The following PNKD variants were observed in gnomAD, a reference collection of about 807,000 sequenced individuals.
PNKD encodes probable thioesterase PNKD.
In PNKD, 36 loss-of-function variants were observed where a neutral mutation model predicts 45.3. That is an observed-to-expected ratio of 0.80 (90% CI 0.61 to 1.05). The LOEUF is 1.05. Ranked by LOEUF, PNKD falls within the 50% of genes least tolerant of loss-of-function variation. The probability of loss-of-function intolerance (pLI) is 0.00; values close to 1 mark genes in which losing one functional copy is unlikely to be tolerated. For missense variants in PNKD, 511 were observed against 506.6 expected (o/e 1.01, Z -0.08); for synonymous variants, 197 against 210.1 (o/e 0.94, Z 0.54).
rs1488137265 is a variant in PNKD at position 218,282,112 on chromosome 2, A to G, written c.236+10563A>G. The G allele has an allele frequency of 2.6e-6, 4 of 1,539,690 alleles. 1 individual carries two copies. In the African/African-American group the frequency reaches 4.2e-5, roughly 16 times the overall value. ...CTGGGTACAGGGGGTTGCGGTCTTCATATGGTGGTGGGGCGCTGGGGTTGG... is the reference window on the plus strand; with the variant it reads ...CTGGGTACAGGGGGTTGCGGTCTTCGTATGGTGGTGGGGCGCTGGGGTTGG... On this transcript the variant is annotated intron_variant, in intron 2 of 9. Transcript: ENST00000273077.
intron 2 of PNKD, chr2:218,292,624 C>G (rs537845010): frequency 1.3e-5 from 2 of 151,870 alleles, no homozygotes; most frequent in Non-Finnish European, 2.9e-5. Flanking sequence ...GGGGTCTGTC[C>G]CGGGCGCGCG....
In PNKD at chr2:218,340,077, T is replaced by TCATCATC; in HGVS notation, c.402_408dup (p.Asp137HisfsTer25). 1 of 1,613,858 alleles carries TCATCATC rather than the reference T, an allele frequency of 6.2e-7. No homozygotes were observed. Among genetic ancestry groups the TCATCATC allele is most frequent in the East Asian group, 2.2e-5 (1 of 44,868 alleles). ...GTCCTCTCGGACAACTACAGCTACC[T>TCATCATC]CATCATCGACACCCAGGCCCAGCTG... On this transcript the variant is annotated frameshift_variant, in exon 4 of 10. Coordinates refer to ENST00000273077, the MANE Select transcript of PNKD (RefSeq NM_015488.5). LOFTEE classifies it high-confidence loss of function. The surrounding 1 kb of genome is among the most constrained non-coding windows in gnomAD (Gnocchi z 4.2).
At chr2:218,328,932 G>A (rs1343406019) in intron 2 of PNKD, among the ~76,000 whole-genome samples, 2 of 152,198 alleles carry the variant, frequency 1.3e-5, no homozygotes, top group African/African-American at 4.8e-5. Context: ...TTGGGGCCGG[G>A]CACAGTGGCT....
intron 2 of PNKD, among the ~76,000 whole-genome samples, chr2:218,290,929 T>C (rs1028942022): frequency 1.3e-5 from 2 of 152,190 alleles, no homozygotes; most frequent in Non-Finnish European, 2.9e-5. Context: ...GAGAATTGTA[T>C]GAGCTTCCAC....
chr2:218,315,098 T>TTCCTTCCTTCCTCTCTCTCTCTC (rs1693768849), intron 2 of PNKD, among the ~76,000 whole-genome samples: 1 of 56,890 alleles, frequency 1.8e-5, no homozygotes, highest in African/African-American at 6.2e-5. Flanking sequence ...CTCTCTCTCC[T>TTCCTTCCTTCCTCTCTCTCTCTC]TCCTTCCTTC....
intron 2 of PNKD, among the ~76,000 whole-genome samples, chr2:218,298,944 C>T (rs1278642809): frequency 1.3e-5 from 2 of 152,070 alleles, no homozygotes; most frequent in Non-Finnish European, 2.9e-5. Flanking sequence ...TATTAGCTGC[C>T]TGAGAACCTC....
At chr2:218,316,250 A>G (rs924138964) in intron 2 of PNKD, among the ~76,000 whole-genome samples, 5 of 145,766 alleles carry the variant, frequency 3.4e-5, no homozygotes, top group Admixed American at 2.9e-4. Context: ...GGTCAAGGGA[A>G]GATTTTTTTC....
chr2:218,331,720 G>A (rs188854756), intron 2 of PNKD, among the ~76,000 whole-genome samples: 1 of 152,212 alleles, frequency 6.6e-6, no homozygotes, highest in Non-Finnish European at 1.5e-5. Flanking sequence ...CATCCACCTC[G>A]GCCTCCCAAA....
intron 2 of PNKD, among the ~76,000 whole-genome samples, chr2:218,302,074 G>A (rs6704848): frequency 0.092 from 13,975 of 152,032 alleles, 2,146 homozygotes; most frequent in African/African-American, 0.32. Flanking sequence ...CCAAGGCAGG[G>A]AGCTGTGGCT....
intron 2 of PNKD, among the ~76,000 whole-genome samples, chr2:218,332,185 T>A (rs1694346697): frequency 6.6e-6 from 1 of 151,990 alleles, no homozygotes; most frequent in Non-Finnish European, 1.5e-5. Context: ...GCAGTTTGGG[T>A]TGGAGGTAGA....
At chr2:218,293,849 G>A (rs1253517456) in intron 2 of PNKD, among the ~76,000 whole-genome samples, 2 of 145,638 alleles carry the variant, frequency 1.4e-5, no homozygotes, top group Middle Eastern at 3.7e-3. Flanking sequence ...TGAGCTCAAA[G>A]CAGTCAGCCC....
At chr2:218,331,529 G>A (rs1694318703) in intron 2 of PNKD, among the ~76,000 whole-genome samples, 1 of 152,000 alleles carries the variant, frequency 6.6e-6, no homozygotes, top group Non-Finnish European at 1.5e-5. Context: ...GGAGCGCAGT[G>A]GCACAATCTT....
intron 2 of PNKD, among the ~76,000 whole-genome samples, chr2:218,325,198 C>CTGT (rs1694115695): frequency 2.5e-5 from 1 of 39,758 alleles, no homozygotes; most frequent in African/African-American, 1.2e-4. Context: ...CGCACCCGGC[C>CTGT]TTTTTTTTTT....
chr2:218,299,754 T>A (rs2106250974), intron 2 of PNKD, among the ~76,000 whole-genome samples: 1 of 152,232 alleles, frequency 6.6e-6, no homozygotes, highest in South Asian at 2.1e-4. Context: ...CCCAAGTAGC[T>A]GGGATTACAG....
chr2:218,295,919 C>T (rs975994951), intron 2 of PNKD, among the ~76,000 whole-genome samples: 2 of 150,550 alleles, frequency 1.3e-5, no homozygotes, highest in Non-Finnish European at 2.9e-5. Context: ...GATCTTGGCT[C>T]GCGGCAACCT....
chr2:218,342,182 G>C, intron 7 of PNKD, 38 bp downstream of exon 7: 1 of 1,590,106 alleles, frequency 6.3e-7, no homozygotes, highest in Non-Finnish European at 8.6e-7. Flanking sequence ...TGGGAGAGGA[G>C]GGAGAGACAG....
At position 218,343,694 on chromosome 2, in the gene PNKD, G is replaced by C. The variant is rs1694748185; in HGVS notation, c.868+108G>C. The C allele has an allele frequency of 9.9e-6, 8 of 811,098 alleles. No individual in the cohort carries two copies. In the South Asian group the frequency reaches 1.2e-4, roughly 12 times the overall value. The allele number at this position is 811,098 out of a possible 1,614,324, so 50.2% of individuals were successfully genotyped here. A position where few individuals can be genotyped will look rare whatever the true frequency, so the allele number is the denominator to read the frequency against. On this transcript the variant is annotated intron_variant, in intron 8 of 9. Transcript: ENST00000273077. ...AGAAAGCAGGCCAGCCCAGTTCCTGGCCCAGAAGCGACACAGCTCCACCTC... is the reference window on the plus strand; with the variant it reads ...AGAAAGCAGGCCAGCCCAGTTCCTGCCCCAGAAGCGACACAGCTCCACCTC...
rs1050337273 is a variant in PNKD at position 218,346,708 on chromosome 2, C to A, written c.*1727C>A. ...TTAAGGGCATGGACTGTATCTTATG[C>A]ATCTCTGTATTTCTGCGCCTAGCAC... On this transcript the variant is annotated 3_prime_UTR_variant, in exon 10 of 10. Coordinates refer to ENST00000273077, the MANE Select transcript of PNKD (RefSeq NM_015488.5). The A allele has an allele frequency of 6.5e-6, 1 of 153,994 alleles. No individual in the cohort carries two copies. The highest frequency in any genetic ancestry group is 1.5e-5 in the Non-Finnish European group (1 of 68,068). 9.5% of individuals were successfully genotyped at this position (153,994 alleles called of 1,614,324 possible). A position where few individuals can be genotyped will look rare whatever the true frequency, so the allele number is the denominator to read the frequency against.
chr2:218,277,009 G>A (rs775620772), intron 2 of PNKD: 2 of 1,613,696 alleles, frequency 1.2e-6, no homozygotes, highest in East Asian at 2.2e-5. Context: ...CTCACGTATT[G>A]GAAGTAGAGC....
Sources: allele counts gnomAD v4.1 joint callset (sites outside exome capture counted in the v4.1 genomes callset), GRCh38; gene constraint gnomAD v4.1.1; non-coding constraint Gnocchi (gnomAD v3.1); transcripts MANE v1.5; gene names NCBI Gene and HGNC (gene_info 2026-07-23, HGNC 2026-07-21).